Variants in PSMD14 observed in about 807,000 individuals in gnomAD.
PSMD14 encodes the protein ubiquitin C-terminal hydrolase PSMD14.
In PSMD14, 7 loss-of-function variants were observed where a neutral mutation model predicts 41.2. The ratio of observed to expected loss-of-function variants is 0.17; its 90% CI spans 0.10 to 0.32. The LOEUF (loss-of-function observed/expected upper bound fraction) is 0.32. Ranked by LOEUF, PSMD14 falls within the 10% of genes least tolerant of loss-of-function variation. PSMD14 has a pLI of 1.00. For synonymous variants in PSMD14, 114 were observed against 122.3 expected (o/e 0.93, Z 0.45); for missense variants, 139 against 375.6 (o/e 0.37, Z 5.21).
intron 3 of PSMD14, among the ~76,000 whole-genome samples, chr2:161,348,887 T>A (rs1209562761): frequency 6.6e-6 from 1 of 152,170 alleles, no homozygotes; most frequent in African/African-American, 2.4e-5. Context: ...CATAATAAAT[T>A]TTAAAAGAAA....
chr2:161,374,851 T>C (rs1242661330), intron 7 of PSMD14, among the ~76,000 whole-genome samples: 1 of 151,998 alleles, frequency 6.6e-6, no homozygotes, highest in African/African-American at 2.4e-5. Context: ...AATTAGGATA[T>C]TGTAATATAT....
intron 9 of PSMD14, among the ~76,000 whole-genome samples, chr2:161,393,857 T>A (rs1683750858): frequency 6.6e-6 from 1 of 151,980 alleles, no homozygotes; most frequent in Non-Finnish European, 1.5e-5. Flanking sequence ...CATCTAAGAA[T>A]AAGTACTCAG....
intron 3 of PSMD14, among the ~76,000 whole-genome samples, chr2:161,343,249 C>T (rs1682992753): frequency 6.6e-6 from 1 of 152,126 alleles, no homozygotes; most frequent in African/African-American, 2.4e-5. Context: ...CCCTTGCAGC[C>T]AGCATTCCAC....
intron 7 of PSMD14, among the ~76,000 whole-genome samples, chr2:161,375,241 GT>G (rs1683487580): frequency 6.6e-6 from 1 of 151,998 alleles, no homozygotes; most frequent in African/African-American, 2.4e-5. Flanking sequence ...TACATTTAGT[GT>G]TAGTAGTGAG....
At chr2:161,313,004 A>G (rs1244762758) in intron 1 of PSMD14, among the ~76,000 whole-genome samples, 1 of 152,102 alleles carries the variant, frequency 6.6e-6, no homozygotes, top group African/African-American at 2.4e-5. Context: ...TGCTTACTAT[A>G]TGATAAGCAT....
chr2:161,333,034 A>C (rs1037205018), intron 3 of PSMD14, among the ~76,000 whole-genome samples: 2 of 152,234 alleles, frequency 1.3e-5, no homozygotes, highest in African/African-American at 4.8e-5. Context: ...TGAGATTTCT[A>C]CGTGTACCCC....
At chr2:161,316,850 C>T (rs1689153181) in intron 2 of PSMD14, among the ~76,000 whole-genome samples, 1 of 152,084 alleles carries the variant, frequency 6.6e-6, no homozygotes, top group Non-Finnish European at 1.5e-5. Flanking sequence ...TTTGACCTGC[C>T]AGATTTTCTT....
chr2:161,340,316 G>A (rs561778257), intron 3 of PSMD14, among the ~76,000 whole-genome samples: 3 of 152,304 alleles, frequency 2.0e-5, no homozygotes, highest in African/African-American at 7.2e-5. Flanking sequence ...GGGTTCCCAG[G>A]GAAAAGGGTC....
intron 7 of PSMD14, chr2:161,381,729 A>G (rs534737600): frequency 4.1e-4 from 62 of 152,082 alleles, no homozygotes; most frequent in African/African-American, 1.4e-3. Context: ...AATAAACCAG[A>G]TTCGTCATTA....
chr2:161,403,895 A>G (rs765715293), intron 10 of PSMD14, among the ~76,000 whole-genome samples: 6 of 151,778 alleles, frequency 4.0e-5, no homozygotes, highest in African/African-American at 4.8e-5. Flanking sequence ...TTGTTCTTCT[A>G]TCAAATGAAT....
chr2:161,346,923 A>C (rs762155611), intron 3 of PSMD14, among the ~76,000 whole-genome samples: 2 of 152,012 alleles, frequency 1.3e-5, no homozygotes, highest in African/African-American at 2.4e-5. Context: ...TATTAAGCTG[A>C]ATACTCAAAG....
intron 8 of PSMD14, among the ~76,000 whole-genome samples, 157 bp downstream of exon 8, chr2:161,385,728 T>C (rs1035976648): frequency 1.3e-5 from 2 of 151,772 alleles, no homozygotes; most frequent in Non-Finnish European, 2.9e-5. Flanking sequence ...TTGTAAAAAT[T>C]AGATTTGCTC....
rs923808408 is a variant in PSMD14 at position 161,341,299 on chromosome 2, C to T, written c.48+22426C>T. Reference sequence around the variant, plus strand: ...AGCGCGGTGGCCAGCGCAGGCAGCGCGGCCAGCAGCTCGGCCGGCGCCTCC... The same window carrying T: ...AGCGCGGTGGCCAGCGCAGGCAGCGTGGCCAGCAGCTCGGCCGGCGCCTCC... On this transcript the variant is annotated intron_variant, in intron 3 of 11. Coordinates refer to ENST00000409682, the MANE Select transcript of PSMD14 (RefSeq NM_005805.6). 45 of 1,020,720 alleles carry T rather than the reference C, an allele frequency of 4.4e-5. No individual in the cohort carries two copies. In the African/African-American group the frequency reaches 6.5e-4, roughly 15 times the overall value. 63.2% of individuals were successfully genotyped at this position (1,020,720 alleles called of 1,614,324 possible). A position where few individuals can be genotyped will look rare whatever the true frequency, so the allele number is the denominator to read the frequency against.
At chr2:161,369,825 G>T (rs10497214) in intron 5 of PSMD14, among the ~76,000 whole-genome samples, 128,044 of 151,920 alleles carry the variant, frequency 0.84, 54,145 homozygotes, top group African/African-American at 0.92. Flanking sequence ...AGTTATGGTT[G>T]GTTCAATTAT....
At chr2:161,394,585 T>C (rs937048412) in intron 9 of PSMD14, among the ~76,000 whole-genome samples, 1 of 152,224 alleles carries the variant, frequency 6.6e-6, no homozygotes, top group Non-Finnish European at 1.5e-5. Flanking sequence ...TTATTAGATA[T>C]TGTTCTAGAA....
At chr2:161,335,051 A>G (rs2105238435) in intron 3 of PSMD14, among the ~76,000 whole-genome samples, 1 of 152,312 alleles carries the variant, frequency 6.6e-6, no homozygotes, top group Admixed American at 6.5e-5. Context: ...ATGCCTCAGA[A>G]CTTCTGAGCC....
intron 1 of PSMD14, among the ~76,000 whole-genome samples, chr2:161,313,494 C>T (rs183202282): frequency 3.0e-4 from 45 of 152,180 alleles, no homozygotes; most frequent in Non-Finnish European, 5.6e-4. Context: ...GGATTACAGG[C>T]GTATGCCACT....
At chr2:161,386,480 C>G (rs2105264491) in intron 8 of PSMD14, among the ~76,000 whole-genome samples, 1 of 151,192 alleles carries the variant, frequency 6.6e-6, no homozygotes. Flanking sequence ...CTTTTAAATG[C>G]TTAATTTTGG....
At chr2:161,409,835 A>C (rs1344828916) in intron 11 of PSMD14, among the ~76,000 whole-genome samples, 1 of 152,120 alleles carries the variant, frequency 6.6e-6, no homozygotes, top group Non-Finnish European at 1.5e-5. Flanking sequence ...ACCCTCAAAA[A>C]GCAAAATGAA....
Sources: gnomAD v4.1 joint callset for allele counts (sites outside exome capture counted in the v4.1 genomes callset) on GRCh38, gnomAD v4.1.1 for gene constraint, MANE v1.5 for transcripts, NCBI Gene and HGNC (gene_info 2026-07-23, HGNC 2026-07-21) for gene names.